Variants in MTHFD2L observed in about 807,000 individuals in gnomAD.
MTHFD2L encodes the protein bifunctional methylenetetrahydrofolate dehydrogenase/cyclohydrolase 2, mitochondrial.
MTHFD2L carries 29 observed loss-of-function variants against 34.9 expected under a neutral mutation model. The observed-to-expected ratio is 0.83, with a 90% CI of 0.62 to 1.13. The LOEUF is 1.13. Among genes scored for constraint, MTHFD2L ranks in the 50% most tolerant of loss-of-function variants. The pLI, the probability that MTHFD2L is intolerant of heterozygous loss-of-function variation, is 0.00. For synonymous variants in MTHFD2L, 167 were observed against 155.7 expected, an observed-to-expected ratio of 1.07 and a Z score of -0.54; for missense variants, 481 against 446.5, an observed-to-expected ratio of 1.08 and a Z score of -0.70.
intron 5 of MTHFD2L, among the ~76,000 whole-genome samples, chr4:74,220,912 A>C (rs1738063749): frequency 6.7e-6 from 1 of 150,308 alleles, no homozygotes; most frequent in Non-Finnish European, 1.5e-5. Flanking sequence ...TAAATGATTC[A>C]TTTTCTTATT....
At chr4:74,275,712 T>C (rs1016619821) in intron 6 of MTHFD2L, among the ~76,000 whole-genome samples, 20 of 152,180 alleles carry the variant, frequency 1.3e-4, no homozygotes, top group Admixed American at 2.0e-4. Flanking sequence ...TGAGCTTTTT[T>C]TTTTTATGTG....
upstream of MTHFD2L, among the ~76,000 whole-genome samples, chr4:74,154,093 G>A (rs1342929412): frequency 3.9e-5 from 6 of 152,052 alleles, no homozygotes; most frequent in African/African-American, 9.7e-5. Flanking sequence ...CATACTCTTC[G>A]GGTATATTGT....
At chr4:74,289,787 G>A (rs1287157306) in intron 7 of MTHFD2L, among the ~76,000 whole-genome samples, 5 of 151,994 alleles carry the variant, frequency 3.3e-5, no homozygotes, top group Admixed American at 3.3e-4. Context: ...GAGGGAAAGA[G>A]AAGAATCAAT....
chr4:74,185,222 C>G (rs1730980672), intron 3 of MTHFD2L, among the ~76,000 whole-genome samples: 2 of 143,810 alleles, frequency 1.4e-5, no homozygotes, highest in Non-Finnish European at 3.0e-5. Flanking sequence ...TAGCATACCT[C>G]TAAATAACCC....
At chr4:74,267,846 G>T in intron 6 of MTHFD2L, 1 of 985,286 alleles carries the variant, frequency 1.0e-6, no homozygotes, top group South Asian at 4.7e-5. Flanking sequence ...ATGATCCTAT[G>T]AATTTCTGAA....
At chr4:74,288,557 A>G (rs562455443) in intron 7 of MTHFD2L, 3 of 152,216 alleles carry the variant, frequency 2.0e-5, no homozygotes, top group African/African-American at 4.8e-5. Flanking sequence ...TAACATCCAC[A>G]TATCATTCAG....
At chr4:74,148,408 G>T (rs1295181258) in intron 1 of MTHFD2L, among the ~76,000 whole-genome samples, 1 of 140,012 alleles carries the variant, frequency 7.1e-6, no homozygotes, top group Non-Finnish European at 1.5e-5. Flanking sequence ...TATCTATTTA[G>T]ACAGAGTTTT....
intron 5 of MTHFD2L, among the ~76,000 whole-genome samples, chr4:74,201,698 T>A (rs1734467573): frequency 1.3e-5 from 2 of 151,934 alleles, no homozygotes; most frequent in Non-Finnish European, 2.9e-5. Flanking sequence ...ATCTCTTGGA[T>A]GTAGAATTCC....
At chr4:74,289,525 TG>T (rs762558464) in intron 7 of MTHFD2L, among the ~76,000 whole-genome samples, 68 of 152,282 alleles carry the variant, frequency 4.5e-4, no homozygotes, top group Non-Finnish European at 7.4e-4. Flanking sequence ...GGAAATCCAT[TG>T]GAGGATGTGG....
At chr4:74,159,109 A>G (rs1303930656) in intron 1 of MTHFD2L, among the ~76,000 whole-genome samples, 3 of 152,218 alleles carry the variant, frequency 2.0e-5, no homozygotes, top group African/African-American at 4.8e-5. Flanking sequence ...CTAGAAAAGC[A>G]ATGACTGGTA....
At chr4:74,164,241 ATGAGAT>A (rs1726157245) in intron 1 of MTHFD2L, among the ~76,000 whole-genome samples, 1 of 152,208 alleles carries the variant, frequency 6.6e-6, no homozygotes, top group Admixed American at 6.5e-5. Context: ...GTGAATAAAG[ATGAGAT>A]TGAAACTAAG....
At chr4:74,265,189 C>G (rs891672117) in intron 6 of MTHFD2L, among the ~76,000 whole-genome samples, 2 of 152,138 alleles carry the variant, frequency 1.3e-5, no homozygotes, top group African/African-American at 4.8e-5. Flanking sequence ...ACACACTAGG[C>G]TGAGCTCAGC....
At chr4:74,177,177 A>AT (rs1475851392) in intron 3 of MTHFD2L, among the ~76,000 whole-genome samples, 1 of 151,952 alleles carries the variant, frequency 6.6e-6, no homozygotes, top group African/African-American at 2.4e-5. Flanking sequence ...AAAAAATTCA[A>AT]CACGTGCAGC....
intron 1 of MTHFD2L, among the ~76,000 whole-genome samples, chr4:74,139,128 C>T (rs913584881): frequency 2.0e-5 from 3 of 152,104 alleles, no homozygotes; most frequent in African/African-American, 4.8e-5. Context: ...TTGTAATTTA[C>T]CTGTAGAATT....
At chr4:74,171,826 G>A (rs1015286650) in intron 1 of MTHFD2L, among the ~76,000 whole-genome samples, 3 of 152,094 alleles carry the variant, frequency 2.0e-5, no homozygotes, top group Admixed American at 1.3e-4. Context: ...TAAAGCATAT[G>A]TGTACAAAAT....
At chr4:74,227,637 G>A (rs1183236493) in intron 6 of MTHFD2L, among the ~76,000 whole-genome samples, 1 of 152,132 alleles carries the variant, frequency 6.6e-6, no homozygotes, top group Non-Finnish European at 1.5e-5. Context: ...AAATTATGAG[G>A]ATACTAGTAA....
chr4:74,291,003 C>CTTTTTTTTTTGTTTTT (rs1748854420), intron 7 of MTHFD2L, among the ~76,000 whole-genome samples: 1 of 29,272 alleles, frequency 3.4e-5, no homozygotes, highest in African/African-American at 1.1e-4. Flanking sequence ...TTTTCCTTTT[C>CTTTTTTTTTTGTTTTT]TTTTTTTTTT....
Position 74,187,332 on chromosome 4 carries a change from G to T in MTHFD2L, c.451+11929G>T, listed in dbSNP as rs554764222. 2.0e-5 allele frequency among the ~76,000 whole-genome samples: 3 copies of T among 152,186 alleles called. No homozygotes were observed. In the East Asian group the frequency reaches 5.8e-4, roughly 29 times the overall value. On this transcript the variant is annotated intron_variant, in intron 3 of 7. Transcript: ENST00000325278. ...AAGAACTGTGGGATATTTTCAAAAG[G>T]TACATGCATTTGGAATAGCAGGAGA...
At chr4:74,230,599 A>C (rs6853578) in intron 6 of MTHFD2L, among the ~76,000 whole-genome samples, 1 of 151,832 alleles carries the variant, frequency 6.6e-6, no homozygotes, top group Non-Finnish European at 1.5e-5. Context: ...CAGAAAAAAA[A>C]AAAAAAGAAA....
Sources: allele counts gnomAD v4.1 joint callset (sites outside exome capture counted in the v4.1 genomes callset), GRCh38; gene constraint gnomAD v4.1.1; transcripts MANE v1.5; gene names NCBI Gene and HGNC (gene_info 2026-07-23, HGNC 2026-07-21).